The following TFAP4 variants were observed in gnomAD, a reference collection of about 807,000 sequenced individuals.
TFAP4 encodes transcription factor AP-4, also known as activating enhancer-binding protein 4.
TFAP4 carries 7 observed loss-of-function variants against 40.4 expected under a neutral mutation model. That is an observed-to-expected ratio of 0.17 (90% CI 0.10 to 0.33). The LOEUF (loss-of-function observed/expected upper bound fraction) is 0.33. Ranked by LOEUF, TFAP4 falls within the 10% of genes least tolerant of loss-of-function variation. TFAP4 has a pLI of 1.00. For missense variants in TFAP4, 374 were observed against 451.1 expected (o/e 0.83, Z 1.55); for synonymous variants, 218 against 181.4 (o/e 1.20, Z -1.62).
Position 4,262,383 on chromosome 16 carries a change from G to A in TFAP4, c.295C>T (p.Leu99=), listed in dbSNP as rs765000273. 25 of 1,614,232 alleles carry A rather than the reference G, an allele frequency of 1.5e-5. No homozygotes were observed. The highest frequency in any genetic ancestry group is 5.5e-5 in the South Asian group (5 of 91,084). ...AAGAGCCTGGTCTTCTCCTGCTCCA[G>A]GGAGAAGATGTACTCGGCTGTCTGC... is the stretch of plus-strand genomic sequence containing the variant. ...LQQTAEYIFS[L]EQEKTRLLQQ... The change falls in exon 3 of 7, where the codon CTG becomes TTG. Residue 99 remains leucine, a synonymous_variant. Coordinates refer to ENST00000204517, the MANE Select transcript of TFAP4 (RefSeq NM_003223.3).
chr16:4,268,250 T>A (rs566495205), intron 1 of TFAP4, among the ~76,000 whole-genome samples: 4 of 152,250 alleles, frequency 2.6e-5, no homozygotes, highest in Admixed American at 6.5e-5. Context: ...GCCAAGATGG[T>A]GAAACCCCCT....
intron 1 of TFAP4, among the ~76,000 whole-genome samples, chr16:4,270,249 G>A (rs186566591): frequency 9.2e-5 from 14 of 152,266 alleles, no homozygotes; most frequent in African/African-American, 2.6e-4. Flanking sequence ...TTTTCTCACA[G>A]GTGCTCTGTT....
chr16:4,263,973 C>T (rs2052970342), intron 1 of TFAP4: 1 of 152,658 alleles, frequency 6.6e-6, no homozygotes, highest in African/African-American at 2.4e-5. Flanking sequence ...CTGATGGCTT[C>T]CAGATGCTGG....
intron 1 of TFAP4, 118 bp downstream of exon 1, chr16:4,272,540 A>C: frequency 8.0e-6 from 5 of 626,194 alleles, no homozygotes; most frequent in Non-Finnish European, 7.2e-6. Flanking sequence ...CCCGGCAGCT[A>C]AGAAAGGCTA....
At chr16:4,263,714 T>A (rs1335591178) in intron 1 of TFAP4, 3 of 152,640 alleles carry the variant, frequency 2.0e-5, no homozygotes, top group South Asian at 2.1e-4. Flanking sequence ...GGAGCGCTGC[T>A]GACCCTTGCA....
At position 4,262,894 on chromosome 16, in the gene TFAP4, A is replaced by C. The variant is rs951046263; in HGVS notation, c.90-193T>G. On this transcript the variant is annotated intron_variant, in intron 1 of 6. Transcript: ENST00000204517. Reference sequence around the variant, plus strand: ...TGGCTGCGGGTAAGATAGTCCGCTCAGAACCCACCCCGGGCCAGGCACAGT... The same window carrying C: ...TGGCTGCGGGTAAGATAGTCCGCTCCGAACCCACCCCGGGCCAGGCACAGT... 6.4e-6 allele frequency: 4 copies of C among 622,832 alleles called. No homozygotes were observed. In the East Asian group the frequency reaches 1.1e-4, roughly 17 times the overall value. The allele number at this position is 622,832 out of a possible 1,614,324, so 38.6% of individuals were successfully genotyped here.
rs973090665 is a variant in TFAP4 at position 4,257,349 on chromosome 16, A to C, written c.*706T>G. ...AAAAGAAAGAAAAAAAAGAAAAACA[A>C]AACAAAAACAGAAAGCAAACCAAAA... On this transcript the variant is annotated 3_prime_UTR_variant, in exon 7 of 7. Transcript: ENST00000204517. The C allele has an allele frequency of 6.6e-6, 1 of 151,856 alleles. No homozygotes were observed. The highest frequency in any genetic ancestry group is 2.4e-5 in the African/African-American group (1 of 41,300). The allele number at this position is 151,856 out of a possible 1,614,324, so 9.4% of individuals were successfully genotyped here.
At position 4,271,354 on chromosome 16, in the gene TFAP4, G is replaced by A. The variant is rs111446931; in HGVS notation, c.89+1304C>T. On this transcript the variant is annotated intron_variant, in intron 1 of 6. Transcript: ENST00000204517. ...CAGACTGCCTCGGGCGGCAGAGCACGTGGCTCCAGCCCTGGGGAGCCATTT... is the reference window on the plus strand; with the variant it reads ...CAGACTGCCTCGGGCGGCAGAGCACATGGCTCCAGCCCTGGGGAGCCATTT... Among the ~76,000 whole-genome samples, 222 of 152,352 alleles carry A rather than the reference G, an allele frequency of 1.5e-3. 1 individual carries two copies. Among genetic ancestry groups the A allele is most frequent in the Middle Eastern group, 6.8e-3 (2 of 294 alleles).
chr16:4,262,623 G>T lies in TFAP4; in HGVS notation c.168C>A (p.Asn56Lys). The change falls in exon 2 of 7, where the codon AAC (asparagine) becomes AAA (lysine). Residue 56 changes from asparagine (N) to lysine (K), a missense_variant. Around this residue, in one of 6 missense-constraint regions of TFAP4, gnomAD observed 9 missense variants for 38.6 expected, o/e 0.23. Transcript: ENST00000204517. ...TGATGCTCTGCATGCGTCTCCGCTC[G>T]TTGCTGTTGGCGATCTCCCGCCGAA... is the stretch of plus-strand genomic sequence containing the variant. ...RRIRREIANS[N>K]ERRRMQSINA... The T allele has an allele frequency of 6.2e-7, 1 of 1,611,734 alleles. No individual in the cohort carries two copies.
rs184220716 is a variant in TFAP4 at position 4,266,260 on chromosome 16, A to G, written c.90-3559T>C. The G allele has an allele frequency of 2.3e-3, 343 of 152,334 alleles. 2 individuals are homozygous for G. In the Middle Eastern group the frequency reaches 0.044, roughly 20 times the overall value. 9.4% of individuals were successfully genotyped at this position (152,334 alleles called of 1,614,324 possible). A position where few individuals can be genotyped will look rare whatever the true frequency, so the allele number is the denominator to read the frequency against. Reference sequence around the variant, plus strand: ...AGAATCTGCCGGCCCAGCTTCTCCAATGCTCCATCCTGCCTCCTTCCTCTC... The same window carrying G: ...AGAATCTGCCGGCCCAGCTTCTCCAGTGCTCCATCCTGCCTCCTTCCTCTC... On this transcript the variant is annotated intron_variant, in intron 1 of 6. Coordinates refer to ENST00000204517, the MANE Select transcript of TFAP4 (RefSeq NM_003223.3).
At chr16:4,272,182 G>C (rs2053045553) in intron 1 of TFAP4, among the ~76,000 whole-genome samples, 2 of 145,260 alleles carry the variant, frequency 1.4e-5, no homozygotes. Flanking sequence ...CCCCCACCCC[G>C]CGCCGGGAGC....
chr16:4,268,300 C>T (rs896235534), intron 1 of TFAP4, among the ~76,000 whole-genome samples: 6 of 152,114 alleles, frequency 3.9e-5, no homozygotes, highest in African/African-American at 7.2e-5. Context: ...TGTCGTGGGA[C>T]GTGCCTGTAA....
chr16:4,269,945 C>T (rs1307878401), intron 1 of TFAP4, among the ~76,000 whole-genome samples: 2 of 152,126 alleles, frequency 1.3e-5, no homozygotes, highest in Non-Finnish European at 2.9e-5. Context: ...CTTTGGGAGG[C>T]CAAGGTGGGC....
intron 5 of TFAP4, 31 bp from the exon 6 acceptor site, chr16:4,260,276 C>T (rs1597311554): frequency 6.5e-7 from 1 of 1,531,408 alleles, no homozygotes; most frequent in Non-Finnish European, 8.8e-7. Flanking sequence ...GCCTTTCTCT[C>T]AAGGCTTCTC....
intron 1 of TFAP4, among the ~76,000 whole-genome samples, chr16:4,267,789 A>C (rs1353116458): frequency 1.3e-5 from 2 of 152,236 alleles, no homozygotes; most frequent in African/African-American, 4.8e-5. Flanking sequence ...AAAAGCACTA[A>C]GGCACTCATC....
At chr16:4,262,203 G>T in intron 3 of TFAP4, 121 bp downstream of exon 3, 1 of 1,200,796 alleles carries the variant, frequency 8.3e-7, no homozygotes, top group Non-Finnish European at 1.2e-6. Context: ...GAAAAAAAGT[G>T]CCTGGAAGTA....
rs915119001 is a variant in TFAP4 at position 4,257,850 on chromosome 16, C to G, written c.*205G>C. On this transcript the variant is annotated 3_prime_UTR_variant, in exon 7 of 7. Coordinates refer to ENST00000204517, the MANE Select transcript of TFAP4 (RefSeq NM_003223.3). ...GCCCTGGGGTGCCGATGCTCCCACA[C>G]GCTCTGCGACACCCCAGCCCCGGGA... 3.5e-6 allele frequency: 2 copies of G among 570,156 alleles called. No individual in the cohort carries two copies. Among genetic ancestry groups the G allele is most frequent in the Non-Finnish European group, 6.0e-6 (2 of 330,690 alleles). The allele number at this position is 570,156 out of a possible 1,614,324, so 35.3% of individuals were successfully genotyped here. A position where few individuals can be genotyped will look rare whatever the true frequency, so the allele number is the denominator to read the frequency against.
At chr16:4,262,812 AC>A (rs1397033336) in intron 1 of TFAP4, 111 bp from the exon 2 acceptor site, 19 of 1,257,052 alleles carry the variant, frequency 1.5e-5, no homozygotes, top group Non-Finnish European at 1.8e-5. Flanking sequence ...ATGCCAGGCC[AC>A]CCCCAGAGAG....
intron 4 of TFAP4, 62 bp downstream of exon 4, chr16:4,261,717 G>T: frequency 6.8e-7 from 1 of 1,476,176 alleles, no homozygotes; most frequent in Non-Finnish European, 8.9e-7. Flanking sequence ...AGCAAGAGGC[G>T]CGACCCCAGG....
Sources: gnomAD v4.1 joint callset for allele counts (sites outside exome capture counted in the v4.1 genomes callset) on GRCh38, gnomAD v4.1.1 for gene constraint, gnomAD v4.1.1 regional missense constraint, MANE v1.5 for transcripts, NCBI Gene and HGNC (gene_info 2026-07-23, HGNC 2026-07-21) for gene names.